PLA2G4D: variants seen among roughly 807,000 people sequenced by gnomAD.
PLA2G4D encodes the protein phospholipase A2 group IVD, also known as cytosolic phospholipase A2 delta.
In PLA2G4D, 80 loss-of-function variants were observed where a neutral mutation model predicts 94.4. That is an observed-to-expected ratio of 0.85 (90% CI 0.71 to 1.02). PLA2G4D has a LOEUF of 1.02. Among genes scored for constraint, PLA2G4D ranks in the 50% least tolerant of loss-of-function variants. The pLI, the probability that PLA2G4D is intolerant of heterozygous loss-of-function variation, is 0.00. For missense variants in PLA2G4D, 1,050 were observed against 1,034.7 expected, an observed-to-expected ratio of 1.01 and a Z score of -0.20; for synonymous variants, 438 against 440.9, an observed-to-expected ratio of 0.99 and a Z score of 0.08.
Position 42,069,974 on chromosome 15 carries a change from G to A in PLA2G4D, c.2165C>T (p.Pro722Leu). 6.8e-7 allele frequency: 1 copy of A among 1,475,436 alleles called. No individual in the cohort carries two copies. Among genetic ancestry groups the A allele is most frequent in the Non-Finnish European group, 9.0e-7 (1 of 1,116,852 alleles). 91.4% of individuals were successfully genotyped at this position (1,475,436 alleles called of 1,614,324 possible). A position where few individuals can be genotyped will look rare whatever the true frequency, so the allele number is the denominator to read the frequency against. Reference protein sequence around the residue: ...ECHLFSDPACPEAPILLHFPL... With the variant: ...ECHLFSDPACLEAPILLHFPL... ...GAAGTGCAGCAGGATCGGGGCCTCG[G>A]GGCAGGCGGGGTCTGAGAAGAGGTG... The change falls in exon 19 of 20, where the codon CCC (proline) becomes CTC (leucine). Residue 722 changes from proline (P) to leucine (L), a missense_variant. Physicochemically the swap from Pro to Leu is moderately conservative, Grantham distance 98. Transcript: ENST00000290472.
chr15:42,068,779 T>C lies in PLA2G4D; in HGVS notation c.2393A>G (p.Gln798Arg). ...NVQTSQGAIL[Q>R]ALRTALKHRT... is the part of the protein sequence containing the mutation. ...GTGCTTCAGCGCGGTCCTCAGGGCC[T>C]GCAGGATGGCACCCTGGCTGGTCTG... The change falls in exon 20 of 20, where the codon CAG becomes CGG. Residue 798 changes from glutamine (Q) to arginine (R), a missense_variant. Physicochemically the swap from Gln to Arg is conservative, Grantham distance 43 (BLOSUM62 1). Coordinates refer to ENST00000290472, the MANE Select transcript of PLA2G4D (RefSeq NM_178034.4). 1 of 1,613,284 alleles carries C rather than the reference T, an allele frequency of 6.2e-7. No homozygotes were observed. The highest frequency in any genetic ancestry group is 8.5e-7 in the Non-Finnish European group (1 of 1,179,646).
intron 13 of PLA2G4D, among the ~76,000 whole-genome samples, chr15:42,074,050 G>A (rs1440974001): frequency 6.6e-6 from 1 of 152,196 alleles, no homozygotes; most frequent in African/African-American, 2.4e-5. Flanking sequence ...GTACAAATGT[G>A]TGTACGTGAC....
At chr15:42,079,438 G>A (rs1889988959) in intron 13 of PLA2G4D, 99 bp downstream of exon 13, 8 of 1,188,892 alleles carry the variant, frequency 6.7e-6, no homozygotes, top group Admixed American at 5.5e-5. Context: ...GCTCTTCCAC[G>A]CTGCAAGAAA....
intron 4 of PLA2G4D, among the ~76,000 whole-genome samples, 175 bp downstream of exon 4, chr15:42,086,038 T>G (rs182733260): frequency 1.1e-3 from 170 of 152,384 alleles, no homozygotes; most frequent in African/African-American, 4.0e-3. Context: ...AGCCTGTAAC[T>G]GTAAAGTGAA....
Position 42,069,941 on chromosome 15 carries a change from A to G in PLA2G4D, c.2198T>C (p.Val733Ala). The G allele has an allele frequency of 6.9e-7, 1 of 1,446,452 alleles. No homozygotes were observed. The highest frequency in any genetic ancestry group is 9.1e-7 in the Non-Finnish European group (1 of 1,101,760). The allele number at this position is 1,446,452 out of a possible 1,614,324, so 89.6% of individuals were successfully genotyped here. Reference sequence around the variant, plus strand: ...TGAGTGGTCCTTGAAGGAGGCATTGACCAGCGGGAAGTGCAGCAGGATCGG... The same window carrying G: ...TGAGTGGTCCTTGAAGGAGGCATTGGCCAGCGGGAAGTGCAGCAGGATCGG... ...EAPILLHFPLVNASFKDHSAP... is the reference protein window; with the variant it reads ...EAPILLHFPLANASFKDHSAP... The change falls in exon 19 of 20, where the codon GTC becomes GCC. Residue 733 changes from valine (V) to alanine (A), a missense_variant. Physicochemically the swap from Val to Ala is moderately conservative, Grantham distance 64 (BLOSUM62 0). Transcript: ENST00000290472.
At chr15:42,082,206 A>T in intron 9 of PLA2G4D, 73 bp downstream of exon 9, 1 of 1,317,378 alleles carries the variant, frequency 7.6e-7, no homozygotes, top group Non-Finnish European at 1.1e-6. Context: ...TGCTGGGATT[A>T]CAGGCTTGAG....
Position 42,071,519 on chromosome 15 carries a change from G to C in PLA2G4D, c.1606C>G (p.Leu536Val). The change falls in exon 16 of 20, where the codon CTG becomes GTG. Residue 536 changes from leucine to valine, a missense_variant. Physicochemically the swap from Leu to Val is conservative, Grantham distance 32. Coordinates refer to ENST00000290472, the MANE Select transcript of PLA2G4D (RefSeq NM_178034.4). ...CTGGTGAGGTCATACCAGGCATCCA[G>C]CAGGTTCAGGGAGAAAATGTTGCTC... ...IWSNIFSLNL[L>V]DAWYDLTSSG... The C allele has an allele frequency of 6.2e-7, 1 of 1,613,934 alleles. No individual in the cohort carries two copies. The highest frequency in any genetic ancestry group is 8.5e-7 in the Non-Finnish European group (1 of 1,179,902).
Position 42,071,811 on chromosome 15 carries a change from C to T in PLA2G4D, c.1536G>A (p.Met512Ile), listed in dbSNP as rs757446171. ...FGSEFFMGRL[M>I]RRIPEPRICF... The stretch of plus-strand genomic sequence containing the variant: ...AGATCCGGGGCTCCGGGATCCTCCT[C>T]ATCAGCCGTCCCATGAAGAACTCGG... The change falls in exon 15 of 20, where the codon ATG becomes ATA. Residue 512 changes from methionine to isoleucine, a missense_variant. Transcript: ENST00000290472. 10 of 1,614,200 alleles carry T rather than the reference C, an allele frequency of 6.2e-6. No homozygotes were observed. Among genetic ancestry groups the T allele is most frequent in the East Asian group, 2.2e-5 (1 of 44,886 alleles).
chr15:42,081,952 A>G, intron 9 of PLA2G4D, 118 bp from the exon 10 acceptor site: 6 of 937,924 alleles, frequency 6.4e-6, no homozygotes, highest in Non-Finnish European at 9.2e-6. Flanking sequence ...TTTTTTTGAG[A>G]CAGAGTTTCA....
chr15:42,085,071 C>G (rs1422631388), intron 6 of PLA2G4D, 25 bp downstream of exon 6: 2 of 1,614,044 alleles, frequency 1.2e-6, no homozygotes, highest in Admixed American at 3.3e-5. Flanking sequence ...GGGGCCCCTC[C>G]CCTAAGCCTG....
At chr15:42,092,630 GCCCAGTCA>G (rs1303766777) in intron 1 of PLA2G4D, among the ~76,000 whole-genome samples, 1 of 152,148 alleles carries the variant, frequency 6.6e-6, no homozygotes, top group Non-Finnish European at 1.5e-5. Flanking sequence ...AAATTCGTCA[GCCCAGTCA>G]CCTGTAGGAT....
At chr15:42,071,380 A>G in intron 16 of PLA2G4D, 63 bp from the exon 17 acceptor site, 2 of 1,569,468 alleles carry the variant, frequency 1.3e-6, no homozygotes, top group Non-Finnish European at 8.6e-7. Flanking sequence ...CAGACACCGC[A>G]CACCGCAAGC....
intron 7 of PLA2G4D, 138 bp downstream of exon 7, chr15:42,083,578 C>G (rs1379876785): frequency 1.7e-6 from 2 of 1,150,524 alleles, no homozygotes; most frequent in African/African-American, 1.5e-5. Context: ...AGATGCGTGG[C>G]CCTCTGTGCC....
At chr15:42,082,621 G>A (rs1315788407) in intron 8 of PLA2G4D, among the ~76,000 whole-genome samples, 2 of 152,198 alleles carry the variant, frequency 1.3e-5, no homozygotes, top group African/African-American at 4.8e-5. Context: ...GTAATGAACT[G>A]ATGTTAGTAA....
In PLA2G4D at chr15:42,069,926, T is replaced by G. The variant is rs1395196774; in HGVS notation, c.2213A>C (p.Lys738Thr). Residue 738 changes from lysine to threonine, a missense_variant, in exon 19 of 20, where the codon AAG (lysine) becomes ACG (threonine). By Grantham distance (78) the Lys-to-Thr change is moderately conservative. Coordinates refer to ENST00000290472, the MANE Select transcript of PLA2G4D (RefSeq NM_178034.4). ...TGCCTCACCGGGGGCTGAGTGGTCC[T>G]TGAAGGAGGCATTGACCAGCGGGAA... ...LHFPLVNASFKDHSAPGVQRS... is the reference protein window; with the variant it reads ...LHFPLVNASFTDHSAPGVQRS... 2 of 1,437,182 alleles carry G rather than the reference T, an allele frequency of 1.4e-6. No homozygotes were observed. The highest frequency in any genetic ancestry group is 3.7e-4 in the Middle Eastern group (2 of 5,408). The allele number at this position is 1,437,182 out of a possible 1,614,324, so 89.0% of individuals were successfully genotyped here.
intron 13 of PLA2G4D, among the ~76,000 whole-genome samples, chr15:42,073,277 G>A (rs1306547756): frequency 1.3e-5 from 2 of 152,164 alleles, no homozygotes; most frequent in African/African-American, 4.8e-5. Context: ...GGGATTACAG[G>A]CGTGAGGCAC....
At chr15:42,083,801 G>T in intron 6 of PLA2G4D, 22 bp from the exon 7 acceptor site, 1 of 1,612,728 alleles carries the variant, frequency 6.2e-7, no homozygotes. Flanking sequence ...CACATCATGG[G>T]CAGGGGCCTC....
chr15:42,070,208 G>C, intron 18 of PLA2G4D, 113 bp from the exon 19 acceptor site: 1 of 1,112,868 alleles, frequency 9.0e-7, no homozygotes, highest in Non-Finnish European at 1.2e-6. Flanking sequence ...GCTCTGTCCT[G>C]TTTGTGGTCG....
rs1890098668 is a variant in PLA2G4D at position 42,084,270 on chromosome 15, T to C, written c.472-491A>G. On this transcript the variant is annotated intron_variant, in intron 6 of 19. Coordinates refer to ENST00000290472, the MANE Select transcript of PLA2G4D (RefSeq NM_178034.4). This position sits in a 1 kb window ranked among gnomAD's most constrained non-coding sequence, Gnocchi z 4.8. Reference sequence around the variant, plus strand: ...CCCCCGTGGCCTTGCCAAGGGAGCCTCTGCATGCTGTCTGTGAAGCATACC... The same window carrying C: ...CCCCCGTGGCCTTGCCAAGGGAGCCCCTGCATGCTGTCTGTGAAGCATACC... 1.3e-5 allele frequency among the ~76,000 whole-genome samples: 2 copies of C among 152,074 alleles called. No homozygotes were observed. The highest frequency in any genetic ancestry group is 2.9e-5 in the Non-Finnish European group (2 of 68,002).
Sources: allele counts gnomAD v4.1 joint callset (sites outside exome capture counted in the v4.1 genomes callset), GRCh38; gene constraint gnomAD v4.1.1; non-coding constraint Gnocchi (gnomAD v3.1); transcripts MANE v1.5; gene names NCBI Gene and HGNC (gene_info 2026-07-23, HGNC 2026-07-21).